Variants in ASH1L observed in about 807,000 individuals in gnomAD.
The protein encoded by ASH1L is histone-lysine N-methyltransferase ASH1L.
ASH1L carries 23 observed loss-of-function variants against 269.0 expected under a neutral mutation model. The observed-to-expected ratio is 0.09, with a 90% CI of 0.06 to 0.12. The LOEUF (loss-of-function observed/expected upper bound fraction) is 0.12. ASH1L is among the 10% of genes least tolerant of loss of function. The probability of loss-of-function intolerance (pLI) is 1.00; values close to 1 mark genes in which losing one functional copy is unlikely to be tolerated. For missense variants in ASH1L, 2,912 were observed against 3,567.8 expected (o/e 0.82, Z 4.68); for synonymous variants, 1,187 against 1,253.5 (o/e 0.95, Z 1.12).
chr1:155,345,539 C>T (rs1474524140), intron 21 of ASH1L, among the ~76,000 whole-genome samples: 3 of 146,852 alleles, frequency 2.0e-5, no homozygotes, highest in African/African-American at 2.5e-5. Context: ...TCCCAAAGTG[C>T]TGGGATTATA....
intron 12 of ASH1L, among the ~76,000 whole-genome samples, chr1:155,367,219 C>T (rs1363143800): frequency 6.6e-6 from 1 of 152,184 alleles, no homozygotes; most frequent in African/African-American, 2.4e-5. Context: ...GTCTCAAACT[C>T]CTGACCTCAT....
At chr1:155,349,874 C>T (rs1459436503) in intron 17 of ASH1L, among the ~76,000 whole-genome samples, 12 of 144,442 alleles carry the variant, frequency 8.3e-5, no homozygotes, top group South Asian at 2.2e-4. Context: ...TGTACCACCA[C>T]GCCAAGCTAC....
chr1:155,413,641 G>C (rs1344287043), intron 6 of ASH1L, among the ~76,000 whole-genome samples: 1 of 152,072 alleles, frequency 6.6e-6, no homozygotes, highest in Non-Finnish European at 1.5e-5. Flanking sequence ...AAAAAACAAA[G>C]AAGGAGCATG....
intron 12 of ASH1L, among the ~76,000 whole-genome samples, chr1:155,361,596 G>C (rs1232584057): frequency 3.3e-5 from 5 of 151,472 alleles, no homozygotes; most frequent in Non-Finnish European, 7.4e-5. Flanking sequence ...CTACTCGGGA[G>C]GCTGAGGCAG....
At chr1:155,389,524 T>C (rs900888620) in intron 7 of ASH1L, among the ~76,000 whole-genome samples, 4 of 151,336 alleles carry the variant, frequency 2.6e-5, no homozygotes, top group Admixed American at 6.6e-5. Context: ...AATACAAAAA[T>C]TAGCTGGGCA....
chr1:155,345,828 CTTTT>C (rs547656258), intron 21 of ASH1L: 8 of 144,132 alleles, frequency 5.6e-5, no homozygotes, highest in South Asian at 1.5e-4. Context: ...TGCACCCGGC[CTTTT>C]TTTTTTTTTT....
At chr1:155,557,575 C>A (rs1266332157) in intron 1 of ASH1L, among the ~76,000 whole-genome samples, 2 of 151,956 alleles carry the variant, frequency 1.3e-5, no homozygotes, top group African/African-American at 2.4e-5. Flanking sequence ...CCACCACGCC[C>A]GGCCTAGAAA....
chr1:155,383,784 G>C (rs1441910827), intron 7 of ASH1L, among the ~76,000 whole-genome samples: 2 of 152,158 alleles, frequency 1.3e-5, no homozygotes, highest in African/African-American at 4.8e-5. Flanking sequence ...AGAGAATGGA[G>C]AGTTACAGTT....
chr1:155,338,493 T>TG, intron 26 of ASH1L, 103 bp from the exon 27 acceptor site: 6 of 1,030,386 alleles, frequency 5.8e-6, no homozygotes, highest in Non-Finnish European at 7.0e-6. Flanking sequence ...GTCCAGCAGT[T>TG]AGAGCCTTAG....
At chr1:155,549,852 G>C (rs145707829) in intron 1 of ASH1L, among the ~76,000 whole-genome samples, 195 of 151,942 alleles carry the variant, frequency 1.3e-3, no homozygotes, top group African/African-American at 4.4e-3. Context: ...AAAGAAAAAA[G>C]CATCCAACTG....
At chr1:155,486,489 G>A (rs1223756690) in intron 2 of ASH1L, among the ~76,000 whole-genome samples, 4 of 151,930 alleles carry the variant, frequency 2.6e-5, no homozygotes, top group Admixed American at 1.3e-4. Context: ...ACAACAGTGT[G>A]ACTATAGTCA....
intron 5 of ASH1L, 116 bp downstream of exon 5, chr1:155,438,211 T>C (rs1662250918): frequency 9.1e-7 from 1 of 1,104,718 alleles, no homozygotes. Flanking sequence ...AAAGAAATGG[T>C]CTCATATAGT....
In ASH1L at chr1:155,562,438, G is replaced by A; in HGVS notation, c.-385C>T. 6.8e-7 allele frequency: 1 copy of A among 1,470,946 alleles called. No individual in the cohort carries two copies. Among genetic ancestry groups the A allele is most frequent in the South Asian group, 1.2e-5 (1 of 82,684 alleles). 91.1% of individuals were successfully genotyped at this position (1,470,946 alleles called of 1,614,324 possible). A position where few individuals can be genotyped will look rare whatever the true frequency, so the allele number is the denominator to read the frequency against. On this transcript the variant is annotated 5_prime_UTR_variant, in exon 1 of 28. Coordinates refer to ENST00000392403, the MANE Select transcript of ASH1L (RefSeq NM_018489.3). ...AATGGCGGCGGGAGCGGCGGCGGCGGCGGCGGCAGCAGCAGAGTGGCGGCG... is the reference window on the plus strand; with the variant it reads ...AATGGCGGCGGGAGCGGCGGCGGCGACGGCGGCAGCAGCAGAGTGGCGGCG...
At chr1:155,507,777 G>A (rs1244246181) in intron 2 of ASH1L, among the ~76,000 whole-genome samples, 2 of 152,206 alleles carry the variant, frequency 1.3e-5, no homozygotes. Context: ...CGGAAGCTGA[G>A]ATGGGAGGAT....
At chr1:155,453,747 C>T (rs1357203274) in intron 4 of ASH1L, among the ~76,000 whole-genome samples, 4 of 151,800 alleles carry the variant, frequency 2.6e-5, no homozygotes, top group African/African-American at 9.7e-5. Context: ...TTCAGTAAGC[C>T]GAGATTGCAC....
At chr1:155,504,127 A>T (rs1571004088) in intron 2 of ASH1L, among the ~76,000 whole-genome samples, 1 of 152,302 alleles carries the variant, frequency 6.6e-6, no homozygotes, top group South Asian at 2.1e-4. Context: ...CTTATTTTTC[A>T]ACTGTTTAGT....
At chr1:155,360,150 A>G (rs1654819857) in intron 13 of ASH1L, 151 bp downstream of exon 13, 6 of 585,858 alleles carry the variant, frequency 1.0e-5, no homozygotes, top group Non-Finnish European at 1.8e-5. Context: ...TCAGCCTCAC[A>G]AAGTGCTGGG....
chr1:155,370,735 T>C (rs769482392), intron 11 of ASH1L, 42 bp downstream of exon 11: 7 of 1,613,234 alleles, frequency 4.3e-6, no homozygotes, highest in Middle Eastern at 1.6e-4. Flanking sequence ...TCTAATCTTA[T>C]ACCTTGGCAT....
At chr1:155,443,237 T>A (rs544358099) in intron 4 of ASH1L, among the ~76,000 whole-genome samples, 1 of 152,294 alleles carries the variant, frequency 6.6e-6, no homozygotes, top group African/African-American at 2.4e-5. Flanking sequence ...GAATATCAGT[T>A]TAAAAGAGAA....
Sources: allele counts gnomAD v4.1 joint callset (sites outside exome capture counted in the v4.1 genomes callset), GRCh38; gene constraint gnomAD v4.1.1; transcripts MANE v1.5; gene names NCBI Gene and HGNC (gene_info 2026-07-23, HGNC 2026-07-21).